The following PARVB variants were observed in gnomAD, a reference collection of about 807,000 sequenced individuals.
The protein encoded by PARVB is parvin beta, also known as beta-parvin.
In PARVB, 46 loss-of-function variants were observed where a neutral mutation model predicts 47.0. The observed-to-expected ratio is 0.98, with a 90% confidence interval of 0.77 to 1.25. The LOEUF (loss-of-function observed/expected upper bound fraction) is 1.25, where lower values mean the gene tolerates loss of function less well. PARVB is among the 50% of genes most tolerant of loss of function. The probability of loss-of-function intolerance (pLI) is 0.00; values close to 1 mark genes in which losing one functional copy is unlikely to be tolerated. For missense variants in PARVB, 473 were observed against 471.6 expected (o/e 1.00, Z -0.03); for synonymous variants, 196 against 196.3 (o/e 1.00, Z 0.01).
chr22:44,016,312 G>T (rs2401516), intron 2 of PARVB, among the ~76,000 whole-genome samples: 8 of 151,668 alleles, frequency 5.3e-5, no homozygotes, highest in East Asian at 1.9e-4. Flanking sequence ...TAGCCAGGAT[G>T]GTCTCGATCT....
chr22:44,082,686 G>T (rs528122646), intron 1 of PARVB, among the ~76,000 whole-genome samples: 1 of 152,050 alleles, frequency 6.6e-6, no homozygotes, highest in African/African-American at 2.4e-5. Flanking sequence ...TGGGTTAGAC[G>T]GCCAACCTGA....
intron 11 of PARVB, 152 bp downstream of exon 11, chr22:44,158,235 C>T: frequency 1.7e-6 from 1 of 599,762 alleles, no homozygotes; most frequent in Non-Finnish European, 3.0e-6. Flanking sequence ...ATGTAACTCT[C>T]AGCAAAAGAA....
chr22:44,010,665 G>C (rs1045309737), intron 2 of PARVB: 7 of 152,072 alleles, frequency 4.6e-5, no homozygotes, highest in African/African-American at 1.7e-4. Context: ...CCACTATTAG[G>C]ACTTTCAGGT....
intron 1 of PARVB, among the ~76,000 whole-genome samples, chr22:44,054,860 G>T (rs1366747293): frequency 6.6e-6 from 1 of 151,592 alleles, no homozygotes; most frequent in African/African-American, 2.4e-5. Context: ...TGTGGTGGTG[G>T]GCGCCTGTAA....
intron 10 of PARVB, among the ~76,000 whole-genome samples, chr22:44,154,866 G>GGT (rs974973187): frequency 4.2e-5 from 6 of 142,462 alleles, no homozygotes; most frequent in African/African-American, 1.1e-4. Context: ...CTGTGGTGGG[G>GGT]GTGTGTGTGT....
At chr22:44,057,088 T>C (rs906550202) in intron 1 of PARVB, among the ~76,000 whole-genome samples, 2 of 150,812 alleles carry the variant, frequency 1.3e-5, no homozygotes, top group Admixed American at 1.3e-4. Context: ...TTTCTCTCTC[T>C]CTCTTTTTTT....
At chr22:44,150,447 G>C (rs145400284) in intron 9 of PARVB, 1,670 of 152,220 alleles carry the variant, frequency 0.011, 11 homozygotes, top group Non-Finnish European at 0.017. Flanking sequence ...CAAAGTGGGT[G>C]GATCACCTGA....
chr22:44,145,981 T>G (rs529513196), intron 8 of PARVB: 8 of 152,338 alleles, frequency 5.3e-5, no homozygotes, highest in African/African-American at 1.9e-4. Flanking sequence ...CATTTACAGC[T>G]GCCGCATTAG....
At chr22:44,051,018 G>T (rs530824361) in intron 1 of PARVB, among the ~76,000 whole-genome samples, 17 of 152,280 alleles carry the variant, frequency 1.1e-4, no homozygotes, top group Non-Finnish European at 2.4e-4. Flanking sequence ...AGCTCCTGTT[G>T]TCTCATCTCC....
intron 1 of PARVB, among the ~76,000 whole-genome samples, chr22:44,033,869 G>C (rs919489201): frequency 1.3e-5 from 2 of 152,108 alleles, no homozygotes; most frequent in African/African-American, 2.4e-5. Flanking sequence ...GGAAGCAGCT[G>C]TCTCAGCGGA....
intron 2 of PARVB, among the ~76,000 whole-genome samples, chr22:44,008,169 C>T (rs925652547): frequency 2.6e-5 from 4 of 152,056 alleles, no homozygotes; most frequent in African/African-American, 4.8e-5. Flanking sequence ...TGCATGATCT[C>T]GGCTCACTGC....
chr22:44,141,464 T>C (rs2053551289), intron 8 of PARVB: 1 of 152,246 alleles, frequency 6.6e-6, no homozygotes. Flanking sequence ...GCCAGTCTAG[T>C]CTTTTCATGT....
intron 4 of PARVB, among the ~76,000 whole-genome samples, chr22:44,121,147 T>C (rs181747219): frequency 6.6e-6 from 1 of 151,724 alleles, no homozygotes; most frequent in African/African-American, 2.4e-5. Context: ...GACTGGCTAA[T>C]TGTTTTGTAT....
chr22:44,080,327 T>A (rs1249062464), intron 1 of PARVB, among the ~76,000 whole-genome samples: 1 of 152,188 alleles, frequency 6.6e-6, no homozygotes, highest in Non-Finnish European at 1.5e-5. Context: ...AGTCCCAACA[T>A]CAAGGTGGCA....
At chr22:44,063,254 T>A (rs1426786102) in intron 1 of PARVB, among the ~76,000 whole-genome samples, 1 of 147,566 alleles carries the variant, frequency 6.8e-6, no homozygotes, top group African/African-American at 2.5e-5. Flanking sequence ...TGAGATGGAG[T>A]CTCGGTCTGT....
At chr22:44,082,705 C>T (rs2051934114) in intron 1 of PARVB, among the ~76,000 whole-genome samples, 3 of 152,228 alleles carry the variant, frequency 2.0e-5, no homozygotes, top group South Asian at 2.1e-4. Context: ...GACATTTTAC[C>T]GTGCACCTGG....
chr22:44,138,289 C>T (rs895121064), intron 7 of PARVB, among the ~76,000 whole-genome samples: 2 of 152,100 alleles, frequency 1.3e-5, no homozygotes, highest in African/African-American at 4.8e-5. Flanking sequence ...AGGGAATTTC[C>T]AGGAGGAGGG....
At chr22:44,166,830 A>G (rs1412029016) in intron 12 of PARVB, among the ~76,000 whole-genome samples, 3 of 152,254 alleles carry the variant, frequency 2.0e-5, no homozygotes, top group Admixed American at 2.0e-4. Context: ...TCTTCATTCA[A>G]AATCAGCTGG....
rs936253325 is a variant in PARVB at position 44,013,313 on chromosome 22, T to C, written c.211+13640T>C. Among the ~76,000 whole-genome samples, 4 of 152,228 alleles carry C rather than the reference T, an allele frequency of 2.6e-5. No homozygotes were observed. The South Asian group carries it at 8.3e-4, about 32-fold the overall frequency. ...CCATCCAGGGGTATCACGTATTGACTTTCTTTTCCCCAAGAATTTATTGTG... is the reference window on the plus strand; with the variant it reads ...CCATCCAGGGGTATCACGTATTGACCTTCTTTTCCCCAAGAATTTATTGTG... On this transcript the variant is annotated intron_variant, in intron 2 of 13. Transcript: ENST00000406477.
Sources: allele counts gnomAD v4.1 joint callset (sites outside exome capture counted in the v4.1 genomes callset), GRCh38; gene constraint gnomAD v4.1.1; transcripts MANE v1.5; gene names NCBI Gene and HGNC (gene_info 2026-07-23, HGNC 2026-07-21).